The following TAOK3 variants were observed in gnomAD, a reference collection of about 807,000 sequenced individuals.
TAOK3 encodes the protein serine/threonine-protein kinase TAO3.
Under a neutral mutation model 120.4 loss-of-function variants are expected in TAOK3, and 40 were observed. The ratio of observed to expected loss-of-function variants is 0.33; its 90% CI spans 0.26 to 0.43. The LOEUF is 0.43. Among genes scored for constraint, TAOK3 ranks in the 20% least tolerant of loss-of-function variants. TAOK3 has a pLI of 1.00. For synonymous variants in TAOK3, 355 were observed against 387.5 expected, an observed-to-expected ratio of 0.92 and a Z score of 0.99; for missense variants, 821 against 1,112.1, an observed-to-expected ratio of 0.74 and a Z score of 3.72.
At chr12:118,273,516 A>AT (rs2140339013) in intron 1 of TAOK3, among the ~76,000 whole-genome samples, 1 of 151,206 alleles carries the variant, frequency 6.6e-6, no homozygotes, top group East Asian at 2.0e-4. Flanking sequence ...AAGAAAAAAA[A>AT]GAAAAAGAAA....
chr12:118,168,385 G>C (rs891629279), intron 17 of TAOK3, among the ~76,000 whole-genome samples: 1 of 152,128 alleles, frequency 6.6e-6, no homozygotes, highest in African/African-American at 2.4e-5. Context: ...ACTATGCGGA[G>C]GTAATGGATA....
chr12:118,198,764 C>T (rs912166509), intron 13 of TAOK3: 4 of 405,504 alleles, frequency 9.9e-6, no homozygotes, highest in African/African-American at 2.0e-5. Flanking sequence ...TGAAGGTCTA[C>T]AGTATTAAGA....
intron 1 of TAOK3, among the ~76,000 whole-genome samples, chr12:118,331,577 G>A (rs2044147767): frequency 6.7e-6 from 1 of 149,902 alleles, no homozygotes. Context: ...CTGGGGAGGT[G>A]GAGGTTGCAG....
intron 9 of TAOK3, among the ~76,000 whole-genome samples, chr12:118,215,329 A>C (rs1477901045): frequency 9.6e-6 from 1 of 103,982 alleles, no homozygotes; most frequent in Non-Finnish European, 2.1e-5. Flanking sequence ...GCCCGTCTCT[A>C]CAAAAAAAAA....
At chr12:118,332,258 C>T (rs1050371721) in intron 1 of TAOK3, among the ~76,000 whole-genome samples, 2 of 152,104 alleles carry the variant, frequency 1.3e-5, no homozygotes, top group African/African-American at 4.8e-5. Flanking sequence ...CCTTATCCAC[C>T]TCCACCCTTC....
At chr12:118,296,073 T>G (rs990915289) in intron 1 of TAOK3, among the ~76,000 whole-genome samples, 2 of 152,232 alleles carry the variant, frequency 1.3e-5, no homozygotes, top group African/African-American at 4.8e-5. Context: ...CTGAGTGAGT[T>G]AGATCCAGGG....
rs75334511 is a variant in TAOK3, at chr12:118,223,062, CTTTTTTTT to C, written c.644-8960_644-8953del. On this transcript the variant is annotated intron_variant, in intron 9 of 20. Transcript: ENST00000392533. ...GGTATAAGGGTTCTTTTCTTTCTTT[CTTTTTTTT>C]TTTTTTTTTTTTTTTTTGAGACGCA... 0.012 allele frequency among the ~76,000 whole-genome samples: 1,382 copies of C among 120,052 alleles called. 100 individuals carry two copies. In the East Asian group the frequency reaches 0.25, roughly 21 times the overall value. The allele number at this position is 120,052 out of a possible 152,430, so 78.8% of individuals were successfully genotyped here.
At chr12:118,185,016 C>T (rs995611868) in intron 14 of TAOK3, among the ~76,000 whole-genome samples, 3 of 151,794 alleles carry the variant, frequency 2.0e-5, no homozygotes, top group East Asian at 1.9e-4. Context: ...CCAGGCTCTG[C>T]GAAGCATGTC....
intron 9 of TAOK3, among the ~76,000 whole-genome samples, chr12:118,220,415 A>T (rs1348557727): frequency 6.6e-6 from 1 of 152,142 alleles, no homozygotes; most frequent in African/African-American, 2.4e-5. Flanking sequence ...TTTGTTCAGT[A>T]AGTAATTACA....
chr12:118,372,375 G>A lies in TAOK3; in HGVS notation c.-194+273C>T, dbSNP rs932043368. ...CACCCCACTACCCCAGCCCCTCTCC[G>A]GGTCCCTTCCTCTCACGCGCACTGT... On this transcript the variant is annotated intron_variant, in intron 1 of 20. Transcript: ENST00000392533. This position sits in a 1 kb window ranked among gnomAD's most constrained non-coding sequence, Gnocchi z 4.6. Among the ~76,000 whole-genome samples the A allele has an allele frequency of 3.0e-5, 2 of 66,058 alleles. No individual in the cohort carries two copies. Among genetic ancestry groups the A allele is most frequent in the Admixed American group, 2.3e-4 (1 of 4,386 alleles). 43.3% of individuals were successfully genotyped at this position (66,058 alleles called of 152,430 possible).
chr12:118,299,168 T>C (rs554794215), intron 1 of TAOK3, among the ~76,000 whole-genome samples: 2 of 152,292 alleles, frequency 1.3e-5, no homozygotes, highest in African/African-American at 4.8e-5. Flanking sequence ...ATTGAAAATA[T>C]AATTATACAA....
intron 17 of TAOK3, among the ~76,000 whole-genome samples, chr12:118,166,839 CACACACAT>C (rs1177207700): frequency 8.0e-6 from 1 of 125,690 alleles, no homozygotes; most frequent in Non-Finnish European, 1.7e-5. Context: ...CACACACACA[CACACACAT>C]ACACACACAC....
intron 1 of TAOK3, among the ~76,000 whole-genome samples, chr12:118,304,224 T>C (rs2042973032): frequency 6.6e-6 from 1 of 152,198 alleles, no homozygotes; most frequent in African/African-American, 2.4e-5. Flanking sequence ...TGAATTACAT[T>C]TCATTCACTT....
intron 9 of TAOK3, among the ~76,000 whole-genome samples, chr12:118,225,577 T>C (rs2039462216): frequency 6.6e-6 from 1 of 152,162 alleles, no homozygotes; most frequent in Non-Finnish European, 1.5e-5. Context: ...TTTGTGAATA[T>C]TTACTGACCA....
At chr12:118,216,915 TGA>T (rs2038932446) in intron 9 of TAOK3, among the ~76,000 whole-genome samples, 1 of 119,688 alleles carries the variant, frequency 8.4e-6, no homozygotes, top group South Asian at 2.6e-4. Context: ...GGCGTCAGAG[TGA>T]GACTCCATCT....
At chr12:118,254,344 A>G (rs1001624369) in intron 3 of TAOK3, among the ~76,000 whole-genome samples, 6 of 152,060 alleles carry the variant, frequency 3.9e-5, no homozygotes, top group African/African-American at 1.4e-4. Flanking sequence ...CCACCCATCC[A>G]TTATTTATCA....
intron 1 of TAOK3, among the ~76,000 whole-genome samples, chr12:118,287,872 C>T (rs1566066834): frequency 6.6e-6 from 1 of 152,078 alleles, no homozygotes; most frequent in African/African-American, 2.4e-5. Context: ...GCAAATTTTA[C>T]CTGCCACTGA....
intron 14 of TAOK3, among the ~76,000 whole-genome samples, chr12:118,181,934 C>T (rs1237545858): frequency 6.6e-6 from 1 of 152,174 alleles, no homozygotes; most frequent in African/African-American, 2.4e-5. Context: ...CCTGTAATCC[C>T]AGTACTTTGG....
intron 1 of TAOK3, among the ~76,000 whole-genome samples, chr12:118,356,758 A>AG (rs1491521106): frequency 1.3e-5 from 2 of 151,994 alleles, no homozygotes; most frequent in East Asian, 3.9e-4. Flanking sequence ...ACAAAAAAAA[A>AG]GAAACTTTAA....
Sources: gnomAD v4.1 joint callset for allele counts (sites outside exome capture counted in the v4.1 genomes callset) on GRCh38, gnomAD v4.1.1 for gene constraint, Gnocchi (gnomAD v3.1) non-coding constraint, MANE v1.5 for transcripts, NCBI Gene and HGNC (gene_info 2026-07-23, HGNC 2026-07-21) for gene names.